The following GALNT18 variants were observed in gnomAD, a reference collection of about 807,000 sequenced individuals.
The protein encoded by GALNT18 is GalNAc-transferase 18.
Under a neutral mutation model 69.5 loss-of-function variants are expected in GALNT18, and 44 were observed. The ratio of observed to expected loss-of-function variants is 0.63; its 90% CI spans 0.50 to 0.81. GALNT18 has a LOEUF of 0.81. Ranked by LOEUF, GALNT18 falls within the 40% of genes least tolerant of loss-of-function variation. The pLI is 0.00. For missense variants in GALNT18, 715 were observed against 810.0 expected (o/e 0.88, Z 1.42); for synonymous variants, 364 against 318.2 (o/e 1.14, Z -1.53).
intron 6 of GALNT18, chr11:11,352,774 C>T (rs756919043): frequency 5.6e-6 from 9 of 1,614,020 alleles, no homozygotes; most frequent in Admixed American, 5.0e-5. Context: ...GTGTTGTTTA[C>T]GTGTTCAAAA....
intron 1 of GALNT18, among the ~76,000 whole-genome samples, chr11:11,597,845 A>G (rs1209918091): frequency 6.6e-6 from 1 of 151,992 alleles, no homozygotes; most frequent in Non-Finnish European, 1.5e-5. Flanking sequence ...TATTTTTAGT[A>G]GAAATGGGGT....
At chr11:11,545,383 C>T (rs1217335854) in intron 1 of GALNT18, among the ~76,000 whole-genome samples, 1 of 152,228 alleles carries the variant, frequency 6.6e-6, no homozygotes, top group Non-Finnish European at 1.5e-5. Flanking sequence ...GGGCTTCCTT[C>T]TCCCATGGGC....
At position 11,617,352 on chromosome 11, in the gene GALNT18, T is replaced by C. The variant is rs1860079704; in HGVS notation, c.235+4007A>G. The stretch of plus-strand genomic sequence containing the variant: ...CTATGACAAGGACCAAGAGTGCCCA[T>C]ACTCCTGTAGAGTGTCTCTAGTATA... On this transcript the variant is annotated intron_variant, in intron 1 of 10. Coordinates refer to ENST00000227756, the MANE Select transcript of GALNT18 (RefSeq NM_198516.3). This position sits in a 1 kb window ranked among gnomAD's most constrained non-coding sequence, Gnocchi z 4.7. Among the ~76,000 whole-genome samples the C allele has an allele frequency of 6.6e-6, 1 of 152,262 alleles. No individual in the cohort carries two copies. The highest frequency in any genetic ancestry group is 2.4e-5 in the African/African-American group (1 of 41,474).
At position 11,274,079 on chromosome 11, in the gene GALNT18, G is replaced by A. The variant is rs1589995074; in HGVS notation, c.1678-2789C>T. 2.0e-5 allele frequency among the ~76,000 whole-genome samples: 3 copies of A among 152,242 alleles called. No homozygotes were observed. The South Asian group carries it at 6.2e-4, about 32-fold the overall frequency. ...TATCGCCTCACCTGGGAAGTGCAAG[G>A]GGTTGGGGGATCTCCCTTCCCCAGC... is the stretch of plus-strand genomic sequence containing the variant. On this transcript the variant is annotated intron_variant, in intron 10 of 10. Transcript: ENST00000227756.
chr11:11,485,792 G>A (rs12289205), intron 1 of GALNT18, among the ~76,000 whole-genome samples: 45,104 of 152,058 alleles, frequency 0.3, 7,054 homozygotes, highest in East Asian at 0.42. Context: ...CAAGTGGCAG[G>A]CCAGCAAGCT....
intron 1 of GALNT18, among the ~76,000 whole-genome samples, chr11:11,492,858 A>T (rs1263190789): frequency 6.6e-6 from 1 of 152,124 alleles, no homozygotes; most frequent in Non-Finnish European, 1.5e-5. Flanking sequence ...GCACATGTAT[A>T]CCTATGTAAC....
intron 1 of GALNT18, among the ~76,000 whole-genome samples, chr11:11,567,648 C>T (rs1473824824): frequency 1.3e-5 from 2 of 152,186 alleles, no homozygotes; most frequent in Non-Finnish European, 2.9e-5. Context: ...ATCACTGCCT[C>T]TGCAAGCCAG....
intron 3 of GALNT18, among the ~76,000 whole-genome samples, chr11:11,395,940 C>T (rs1437206473): frequency 6.6e-6 from 1 of 152,046 alleles, no homozygotes; most frequent in Non-Finnish European, 1.5e-5. Context: ...AACCAGTGGG[C>T]ACAAGGACAG....
chr11:11,448,977 C>T (rs761174831), intron 1 of GALNT18, 41 bp from the exon 2 acceptor site: 8 of 1,446,284 alleles, frequency 5.5e-6, no homozygotes, highest in African/African-American at 1.4e-5. Flanking sequence ...TCAGAGTGCA[C>T]CCCTGCATGT....
intron 1 of GALNT18, among the ~76,000 whole-genome samples, chr11:11,516,091 GTCAC>G (rs756454459): frequency 1.4e-4 from 21 of 152,180 alleles, no homozygotes; most frequent in Non-Finnish European, 2.6e-4. Flanking sequence ...GAGATGGGCC[GTCAC>G]CACAGCCGCC....
At position 11,318,724 on chromosome 11, in the gene GALNT18, C is replaced by T. The variant is rs1283990228; in HGVS notation, c.1512+8362G>A. On this transcript the variant is annotated intron_variant, in intron 9 of 10. Transcript: ENST00000227756. This position sits in a 1 kb window ranked among gnomAD's most constrained non-coding sequence, Gnocchi z 5.1. ...GGAGTGTCCCTCGACCTTCAACAAA[C>T]TTTGTGAAAAGAGTAAGAAAAATAC... Among the ~76,000 whole-genome samples, 1 of 152,100 alleles carries T rather than the reference C, an allele frequency of 6.6e-6. No homozygotes were observed. Among genetic ancestry groups the T allele is most frequent in the Non-Finnish European group, 1.5e-5 (1 of 68,026 alleles).
At chr11:11,486,099 C>T (rs1212593470) in intron 1 of GALNT18, among the ~76,000 whole-genome samples, 6 of 152,170 alleles carry the variant, frequency 3.9e-5, no homozygotes, top group Admixed American at 3.9e-4. Context: ...AAGAAGGACT[C>T]AGCATGCTGG....
rs113276278 is a variant in GALNT18, at chr11:11,353,135, G to A, written c.1093-12131C>T. 7.5e-5 allele frequency: 121 copies of A among 1,612,684 alleles called. No homozygotes were observed. The South Asian group carries it at 8.1e-4, about 11-fold the overall frequency. On this transcript the variant is annotated intron_variant, in intron 6 of 10. Transcript: ENST00000227756. ...GTCCCGACATGTCAGACAGGTTGGC[G>A]GACAAAGCTGGACTTGATGTTTGGA... is the stretch of plus-strand genomic sequence containing the variant.
At chr11:11,509,691 A>T (rs1857131957) in intron 1 of GALNT18, among the ~76,000 whole-genome samples, 1 of 152,268 alleles carries the variant, frequency 6.6e-6, no homozygotes, top group South Asian at 2.1e-4. Flanking sequence ...ATCAGAAATA[A>T]ATAGAGGCCT....
At chr11:11,507,310 T>A (rs4910366) in intron 1 of GALNT18, among the ~76,000 whole-genome samples, 150,462 of 152,362 alleles carry the variant, frequency 0.99, 74,326 homozygotes, top group Middle Eastern at 1. Flanking sequence ...AACCCACCAA[T>A]GGAGATATGA....
intron 5 of GALNT18, among the ~76,000 whole-genome samples, chr11:11,376,261 T>C (rs977042203): frequency 2.6e-5 from 4 of 152,078 alleles, no homozygotes; most frequent in African/African-American, 7.2e-5. Flanking sequence ...AGGTGCCTGT[T>C]ATCCCACCTA....
rs774084181 is a variant in GALNT18 at position 11,617,292 on chromosome 11, T to G, written c.235+4067A>C. Among the ~76,000 whole-genome samples the G allele has an allele frequency of 2.6e-5, 4 of 152,230 alleles. No individual in the cohort carries two copies. Among genetic ancestry groups the G allele is most frequent in the Admixed American group, 2.6e-4 (4 of 15,284 alleles). On this transcript the variant is annotated intron_variant, in intron 1 of 10. Transcript: ENST00000227756. This position sits in a 1 kb window ranked among gnomAD's most constrained non-coding sequence, Gnocchi z 4.7. Reference sequence around the variant, plus strand: ...TAACTCAAGCCCTGACCACGTTGACTAAAAGGGATTCTTTGTCCTTTGAAA... The same window carrying G: ...TAACTCAAGCCCTGACCACGTTGACGAAAAGGGATTCTTTGTCCTTTGAAA...
chr11:11,570,301 T>A, intron 1 of GALNT18: 1 of 152,720 alleles, frequency 6.5e-6, no homozygotes, highest in East Asian at 1.9e-4. Flanking sequence ...AACAACCTGA[T>A]AGCACTGCAG....
chr11:11,352,408 T>C (rs762734967), intron 6 of GALNT18: 10 of 1,613,960 alleles, frequency 6.2e-6, no homozygotes, highest in Non-Finnish European at 8.5e-6. Context: ...TGATCATAAT[T>C]GTCACGTCCA....
Sources: gnomAD v4.1 joint callset for allele counts (sites outside exome capture counted in the v4.1 genomes callset) on GRCh38, gnomAD v4.1.1 for gene constraint, Gnocchi (gnomAD v3.1) non-coding constraint, MANE v1.5 for transcripts, NCBI Gene and HGNC (gene_info 2026-07-23, HGNC 2026-07-21) for gene names.